The following ST6GAL1 variants were observed in gnomAD, a reference collection of about 807,000 sequenced individuals.
ST6GAL1 encodes ST6 beta-galactoside alpha-2,6-sialyltransferase 1.
ST6GAL1 carries 20 observed loss-of-function variants against 38.0 expected under a neutral mutation model. The observed-to-expected ratio is 0.53, with a 90% CI of 0.37 to 0.77. The LOEUF is 0.77. Ranked by LOEUF, ST6GAL1 falls within the 30% of genes least tolerant of loss-of-function variation. ST6GAL1 has a pLI of 0.00. For missense variants in ST6GAL1, 432 were observed against 496.4 expected (o/e 0.87, Z 1.23); for synonymous variants, 196 against 188.2 (o/e 1.04, Z -0.34).
chr3:186,931,741 G>A (rs1288893782), intron 1 of ST6GAL1, among the ~76,000 whole-genome samples: 1 of 152,198 alleles, frequency 6.6e-6, no homozygotes, highest in Non-Finnish European at 1.5e-5. Context: ...GCCCGTGTCC[G>A]TGTGCCCAGA....
intron 3 of ST6GAL1, among the ~76,000 whole-genome samples, chr3:187,040,670 G>A (rs1718094442): frequency 1.3e-5 from 2 of 152,190 alleles, no homozygotes; most frequent in African/African-American, 4.8e-5. Context: ...CTTTTCTCTA[G>A]TTCTTCTTCA....
intron 1 of ST6GAL1, among the ~76,000 whole-genome samples, chr3:186,959,210 T>C (rs1714850636): frequency 6.6e-6 from 1 of 152,196 alleles, no homozygotes; most frequent in African/African-American, 2.4e-5. Flanking sequence ...AGACACCTTT[T>C]CTCTTTTTGT....
chr3:186,980,913 C>T (rs115846353), intron 2 of ST6GAL1, among the ~76,000 whole-genome samples: 1,877 of 152,270 alleles, frequency 0.012, 15 homozygotes, highest in Middle Eastern at 0.041. Context: ...CAATCAGTGC[C>T]ATCACGTGTT....
At chr3:186,936,734 A>T (rs143373301) in intron 1 of ST6GAL1, among the ~76,000 whole-genome samples, 27,811 of 151,900 alleles carry the variant, frequency 0.18, 2,885 homozygotes, top group East Asian at 0.33. Flanking sequence ...TGAGGTCAGG[A>T]GTTCAAGACC....
intron 5 of ST6GAL1, chr3:187,064,603 C>A (rs771695221): frequency 6.6e-6 from 3 of 456,734 alleles, no homozygotes; most frequent in Middle Eastern, 3.3e-4. Flanking sequence ...AGAGCCTTTC[C>A]TGCTGCTTCT....
intron 1 of ST6GAL1, among the ~76,000 whole-genome samples, chr3:186,941,583 A>C: frequency 6.6e-6 from 1 of 152,180 alleles, no homozygotes; most frequent in Middle Eastern, 3.2e-3. Context: ...GGGAGAAGCA[A>C]GATGGGCGGG....
At chr3:186,951,813 G>T (rs963586980) in intron 1 of ST6GAL1, among the ~76,000 whole-genome samples, 5 of 152,184 alleles carry the variant, frequency 3.3e-5, no homozygotes, top group African/African-American at 9.6e-5. Context: ...ATAAACAAAA[G>T]AAATGTATTG....
At chr3:186,973,717 C>T (rs1463501034) in intron 2 of ST6GAL1, among the ~76,000 whole-genome samples, 2 of 152,148 alleles carry the variant, frequency 1.3e-5, no homozygotes, top group Non-Finnish European at 2.9e-5. Context: ...AACTCTTTGC[C>T]TCTCCTCCTC....
At chr3:187,022,726 C>T (rs565341878) in intron 2 of ST6GAL1, among the ~76,000 whole-genome samples, 1 of 152,256 alleles carries the variant, frequency 6.6e-6, no homozygotes, top group African/African-American at 2.4e-5. Flanking sequence ...TGTCTGGCAG[C>T]CTTTTCCAAA....
At chr3:186,985,895 A>C (rs552565017) in intron 2 of ST6GAL1, among the ~76,000 whole-genome samples, 245 of 152,306 alleles carry the variant, frequency 1.6e-3, no homozygotes, top group Non-Finnish European at 2.9e-3. Context: ...GCATTTCAGG[A>C]CTGGCAGGAA....
At chr3:187,067,269 T>C (rs1301699390) in intron 5 of ST6GAL1, among the ~76,000 whole-genome samples, 2 of 151,264 alleles carry the variant, frequency 1.3e-5, no homozygotes, top group Non-Finnish European at 2.9e-5. Context: ...GTATTTTTAG[T>C]AGAGACGAGG....
At chr3:187,017,737 T>C (rs1579325093) in intron 2 of ST6GAL1, among the ~76,000 whole-genome samples, 1 of 152,180 alleles carries the variant, frequency 6.6e-6, no homozygotes, top group East Asian at 1.9e-4. Flanking sequence ...TGGCTCAGAC[T>C]TCCTCCTGCC....
chr3:187,060,153 A>G (rs1311983805), intron 5 of ST6GAL1, among the ~76,000 whole-genome samples: 1 of 152,078 alleles, frequency 6.6e-6, no homozygotes, highest in African/African-American at 2.4e-5. Context: ...ATGGTGCTGC[A>G]CCGAGGCATC....
At chr3:187,064,388 A>C (rs1262171719) in intron 5 of ST6GAL1, 2 of 402,810 alleles carry the variant, frequency 5.0e-6, no homozygotes, top group Non-Finnish European at 1.0e-5. Flanking sequence ...AGGCACATGT[A>C]TTAGTTGCCT....
At chr3:186,932,500 T>G (rs1713794275) in intron 1 of ST6GAL1, among the ~76,000 whole-genome samples, 4 of 152,256 alleles carry the variant, frequency 2.6e-5, no homozygotes, top group Admixed American at 1.3e-4. Context: ...ATAGATTTAG[T>G]AATTCCTTAC....
intron 2 of ST6GAL1, among the ~76,000 whole-genome samples, chr3:186,966,317 A>G (rs1560144482): frequency 6.6e-6 from 1 of 152,326 alleles, no homozygotes. Flanking sequence ...ATCTGTCTAC[A>G]TTATCTTATT....
chr3:187,025,079 A>C (rs1056545211), intron 2 of ST6GAL1, among the ~76,000 whole-genome samples: 1 of 151,334 alleles, frequency 6.6e-6, no homozygotes, highest in Non-Finnish European at 1.5e-5. Context: ...CAATTCTCCC[A>C]GGGGTGGTAC....
chr3:187,010,836 C>A (rs1425023331), intron 2 of ST6GAL1, among the ~76,000 whole-genome samples: 13 of 152,248 alleles, frequency 8.5e-5, no homozygotes, highest in African/African-American at 3.1e-4. Context: ...GCACCTGGAA[C>A]TGTTTACTTT....
intron 1 of ST6GAL1, among the ~76,000 whole-genome samples, chr3:186,947,704 A>G (rs1714424628): frequency 6.6e-6 from 1 of 152,216 alleles, no homozygotes; most frequent in Admixed American, 6.5e-5. Flanking sequence ...AGGCTACTTA[A>G]TCAGAACCCT....
Sources: allele counts gnomAD v4.1 joint callset (sites outside exome capture counted in the v4.1 genomes callset), GRCh38; gene constraint gnomAD v4.1.1; transcripts MANE v1.5; gene names NCBI Gene and HGNC (gene_info 2026-07-23, HGNC 2026-07-21).